ABCD2: variants seen among roughly 807,000 people sequenced by gnomAD.
ABCD2 encodes the protein ATP binding cassette subfamily D member 2, also known as ATP-binding cassette sub-family D member 2.
Under a neutral mutation model 70.9 loss-of-function variants are expected in ABCD2, and 36 were observed. That is an observed-to-expected ratio of 0.51 (90% CI 0.39 to 0.67). The LOEUF (loss-of-function observed/expected upper bound fraction) is 0.67, where lower values mean the gene tolerates loss of function less well. Ranked by LOEUF, ABCD2 falls within the 30% of genes least tolerant of loss-of-function variation. The pLI is 0.00. For synonymous variants in ABCD2, 304 were observed against 306.9 expected, an observed-to-expected ratio of 0.99 and a Z score of 0.10; for missense variants, 729 against 890.2, an observed-to-expected ratio of 0.82 and a Z score of 2.30.
At chr12:39,600,998 T>A (rs1254799357) in intron 5 of ABCD2, among the ~76,000 whole-genome samples, 1 of 151,952 alleles carries the variant, frequency 6.6e-6, no homozygotes, top group East Asian at 1.9e-4. Flanking sequence ...CACATACACA[T>A]AGAGAAAAAC....
chr12:39,567,566 A>T (rs1007745043), intron 9 of ABCD2, among the ~76,000 whole-genome samples: 2 of 152,098 alleles, frequency 1.3e-5, no homozygotes, highest in African/African-American at 4.8e-5. Context: ...CACACTGATG[A>T]GTCTTGACTC....
intron 2 of ABCD2, among the ~76,000 whole-genome samples, chr12:39,614,626 C>T (rs1366978805): frequency 1.3e-5 from 2 of 151,760 alleles, no homozygotes; most frequent in African/African-American, 2.4e-5. Context: ...TAAAGGCATA[C>T]GTGTAAACTA....
chr12:39,617,596 A>G (rs1942133777), intron 1 of ABCD2, among the ~76,000 whole-genome samples: 3 of 152,290 alleles, frequency 2.0e-5, no homozygotes, highest in Middle Eastern at 3.4e-3. Context: ...TAAGCACACT[A>G]TAATTTATAT....
chr12:39,619,064 A>C lies in ABCD2; in HGVS notation c.552T>G (p.Tyr184Ter). 1.2e-6 allele frequency: 2 copies of C among 1,614,218 alleles called. No homozygotes were observed. The highest frequency in any genetic ancestry group is 1.7e-6 in the Non-Finnish European group (2 of 1,180,030). ...AFRTRLVDHA[Y>*]ETYFTNQTYY... Reference sequence around the variant, plus strand: ...AAGTCTGATTTGTAAAATAGGTTTCATAGGCGTGGTCTACTAGGCGAGTTC... The same window carrying C: ...AAGTCTGATTTGTAAAATAGGTTTCCTAGGCGTGGTCTACTAGGCGAGTTC... Residue 184 changes from tyrosine (Y) to a stop codon, truncating the protein, a stop_gained, in exon 1 of 10, where the codon TAT becomes TAG. Transcript: ENST00000308666. LOFTEE classifies it high-confidence loss of function.
At position 39,619,745 on chromosome 12, in the gene ABCD2, G is replaced by T; in HGVS notation, c.-130C>A. ...TCTGCAGCGTTTCTCTTCCACTGTTGTGTTTTTAATTTTGTTCTGCTGTGA... is the reference window on the plus strand; with the variant it reads ...TCTGCAGCGTTTCTCTTCCACTGTTTTGTTTTTAATTTTGTTCTGCTGTGA... On this transcript the variant is annotated 5_prime_UTR_variant, in exon 1 of 10. Coordinates refer to ENST00000308666, the MANE Select transcript of ABCD2 (RefSeq NM_005164.4). 1 of 808,200 alleles carries T rather than the reference G, an allele frequency of 1.2e-6. No individual in the cohort carries two copies. The highest frequency in any genetic ancestry group is 1.9e-6 in the Non-Finnish European group (1 of 526,876). 50.1% of individuals were successfully genotyped at this position (808,200 alleles called of 1,614,324 possible). A position where few individuals can be genotyped will look rare whatever the true frequency, so the allele number is the denominator to read the frequency against.
At chr12:39,539,939 A>G in the ABCD2 span, 1 of 152,394 alleles carries the variant, frequency 6.6e-6, no homozygotes, top group Non-Finnish European at 1.5e-5. Flanking sequence ...CCAAAGTAAC[A>G]CAGAGATTAA....
chr12:39,576,044 T>C (rs962862838), intron 8 of ABCD2, among the ~76,000 whole-genome samples: 9 of 152,240 alleles, frequency 5.9e-5, no homozygotes, highest in African/African-American at 1.9e-4. Context: ...TCCACCATAT[T>C]ACATTTCTAT....
At position 39,554,047 on chromosome 12, in the gene ABCD2, C is replaced by T. The variant is rs1440472226; in HGVS notation, c.2088G>A (p.Leu696=). Residue 696 remains leucine, a synonymous_variant, in exon 10 of 10, where the codon TTG becomes TTA. Coordinates refer to ENST00000308666, the MANE Select transcript of ABCD2 (RefSeq NM_005164.4). ...ATTCTAGCTTTTGTTTTTCTTCACT[C>T]AATGTCAAACGGATAGCAGTATCCA... ...EQLDTAIRLT[L]SEEKQKLESQ... The T allele has an allele frequency of 1.2e-6, 2 of 1,613,726 alleles. No homozygotes were observed. The highest frequency in any genetic ancestry group is 1.3e-5 in the African/African-American group (1 of 75,038).
intron 9 of ABCD2, among the ~76,000 whole-genome samples, chr12:39,554,648 G>T (rs952949579): frequency 1.3e-5 from 2 of 152,124 alleles, no homozygotes; most frequent in Non-Finnish European, 2.9e-5. Context: ...TTTGATAGAA[G>T]AAATGTTTTA....
intron 6 of ABCD2, among the ~76,000 whole-genome samples, chr12:39,588,363 C>T (rs932638500): frequency 6.6e-6 from 1 of 151,996 alleles, no homozygotes; most frequent in African/African-American, 2.4e-5. Flanking sequence ...GTTCTTGAGA[C>T]GAGATCATCC....
intron 6 of ABCD2, among the ~76,000 whole-genome samples, chr12:39,589,716 T>A (rs1941719285): frequency 6.6e-6 from 1 of 152,142 alleles, no homozygotes; most frequent in Non-Finnish European, 1.5e-5. Context: ...TTAAATGATG[T>A]AACGATGTAT....
intron 5 of ABCD2, among the ~76,000 whole-genome samples, chr12:39,603,656 C>T (rs538067815): frequency 6.6e-6 from 1 of 151,914 alleles, no homozygotes; most frequent in Non-Finnish European, 1.5e-5. Flanking sequence ...ATGAAATTTC[C>T]TATTGTTCCC....
chr12:39,533,473 T>C, the ABCD2 span, among the ~76,000 whole-genome samples: 3 of 152,156 alleles, frequency 2.0e-5, no homozygotes, highest in Non-Finnish European at 2.9e-5. Context: ...GATGAATGAA[T>C]TAATAGTTTC....
chr12:39,619,635 G>A lies in ABCD2; in HGVS notation c.-20C>T, dbSNP rs765685176. On this transcript the variant is annotated 5_prime_UTR_variant, in exon 1 of 10. Coordinates refer to ENST00000308666, the MANE Select transcript of ABCD2 (RefSeq NM_005164.4). ...TGTCATTTTCCCAGTTACCCAAACCGGCTTCCAAAAGAATTCGTTTTAAAA... is the reference window on the plus strand; with the variant it reads ...TGTCATTTTCCCAGTTACCCAAACCAGCTTCCAAAAGAATTCGTTTTAAAA... 1.7e-5 allele frequency: 27 copies of A among 1,587,948 alleles called. No individual in the cohort carries two copies. The South Asian group carries it at 2.8e-4, about 16-fold the overall frequency.
chr12:39,554,607 T>G (rs1359850666), intron 9 of ABCD2, among the ~76,000 whole-genome samples: 1 of 152,178 alleles, frequency 6.6e-6, no homozygotes, highest in Non-Finnish European at 1.5e-5. Flanking sequence ...CAATAATAAA[T>G]ATAGTTTAAA....
chr12:39,554,417 A>G lies in ABCD2; in HGVS notation c.2004-286T>C, dbSNP rs185469844. 4.2e-3 allele frequency among the ~76,000 whole-genome samples: 643 copies of G among 152,222 alleles called. 2 individuals are homozygous for G. The Middle Eastern group carries it at 0.048, about 11-fold the overall frequency. ...ATGTATTTAATTTCTTCATAACTCA[A>G]TTTGGCTCCTGAATAAATAGTAAGG... On this transcript the variant is annotated intron_variant, in intron 9 of 9. Coordinates refer to ENST00000308666, the MANE Select transcript of ABCD2 (RefSeq NM_005164.4).
intron 3 of ABCD2, among the ~76,000 whole-genome samples, chr12:39,606,871 T>C (rs1941975848): frequency 6.6e-6 from 1 of 152,204 alleles, no homozygotes; most frequent in East Asian, 1.9e-4. Context: ...AAATATTTAT[T>C]AACCACACAG....
At chr12:39,538,272 C>G in the ABCD2 span, among the ~76,000 whole-genome samples, 1 of 150,760 alleles carries the variant, frequency 6.6e-6, no homozygotes, top group Non-Finnish European at 1.5e-5. Context: ...AGGGTTCAAG[C>G]GATTCTCCTG....
intron 9 of ABCD2, among the ~76,000 whole-genome samples, chr12:39,557,992 C>G (rs1941195381): frequency 6.6e-6 from 1 of 152,192 alleles, no homozygotes; most frequent in Admixed American, 6.5e-5. Flanking sequence ...CCACCATCCC[C>G]CAGACCACAG....
Sources: allele counts gnomAD v4.1 joint callset (sites outside exome capture counted in the v4.1 genomes callset), GRCh38; gene constraint gnomAD v4.1.1; transcripts MANE v1.5; gene names NCBI Gene and HGNC (gene_info 2026-07-23, HGNC 2026-07-21).